The following IGF2BP3 variants were observed in gnomAD, a reference collection of about 807,000 sequenced individuals.
IGF2BP3 encodes the protein insulin-like growth factor 2 mRNA-binding protein 3.
A neutral mutation model predicts 73.8 loss-of-function variants in IGF2BP3; 9 were observed. The ratio of observed to expected loss-of-function variants is 0.12; its 90% confidence interval spans 0.07 to 0.21. The LOEUF (loss-of-function observed/expected upper bound fraction) is 0.21, where lower values mean the gene tolerates loss of function less well. Ranked by LOEUF, IGF2BP3 falls within the 10% of genes least tolerant of loss-of-function variation. The probability of loss-of-function intolerance (pLI) is 1.00; values close to 1 mark genes in which losing one functional copy is unlikely to be tolerated. For synonymous variants in IGF2BP3, 258 were observed against 256.7 expected (o/e 1.01, Z -0.05); for missense variants, 542 against 714.0 (o/e 0.76, Z 2.75).
intron 2 of IGF2BP3, among the ~76,000 whole-genome samples, chr7:23,445,907 A>C (rs138156747): frequency 6.6e-6 from 1 of 152,344 alleles, no homozygotes; most frequent in African/African-American, 2.4e-5. Flanking sequence ...GAAAAGTATT[A>C]GATTTATTAC....
At chr7:23,348,917 A>T (rs1269123139) in intron 6 of IGF2BP3, among the ~76,000 whole-genome samples, 1 of 152,228 alleles carries the variant, frequency 6.6e-6, no homozygotes, top group Non-Finnish European at 1.5e-5. Context: ...GTAAAATTAC[A>T]AGTACCAACA....
intron 10 of IGF2BP3, among the ~76,000 whole-genome samples, chr7:23,333,259 CTA>C (rs1784487124): frequency 6.6e-6 from 1 of 152,162 alleles, no homozygotes; most frequent in Non-Finnish European, 1.5e-5. Context: ...TTTCCCATGA[CTA>C]TGAGAGAAAA....
chr7:23,461,198 A>G (rs1451393148), intron 2 of IGF2BP3, among the ~76,000 whole-genome samples: 5 of 152,078 alleles, frequency 3.3e-5, no homozygotes, highest in Non-Finnish European at 5.9e-5. Flanking sequence ...TCTCCCAGAA[A>G]CAGTTTGCCC....
intron 5 of IGF2BP3, among the ~76,000 whole-genome samples, chr7:23,360,038 G>A (rs1785186982): frequency 6.6e-6 from 1 of 151,284 alleles, no homozygotes; most frequent in Non-Finnish European, 1.5e-5. Flanking sequence ...TCACTTATGG[G>A]AGAAGTGAAA....
Position 23,470,273 on chromosome 7 carries a change from A to C in IGF2BP3, c.-163T>G, listed in dbSNP as rs917187777. The C allele has an allele frequency of 5.7e-6, 3 of 528,780 alleles. No individual in the cohort carries two copies. The African/African-American group carries it at 5.8e-5, about 10-fold the overall frequency. The allele number at this position is 528,780 out of a possible 1,614,324, so 32.8% of individuals were successfully genotyped here. The stretch of plus-strand genomic sequence containing the variant: ...GCACAAGAACGAGGAGTGAAAAATC[A>C]GATCCGAGGCTTGTTTTTTCCTTGT... On this transcript the variant is annotated 5_prime_UTR_variant, in exon 1 of 15. Coordinates refer to ENST00000258729, the MANE Select transcript of IGF2BP3 (RefSeq NM_006547.3).
intron 9 of IGF2BP3, among the ~76,000 whole-genome samples, chr7:23,342,910 G>A (rs1381542757): frequency 6.6e-6 from 1 of 152,200 alleles, no homozygotes; most frequent in African/African-American, 2.4e-5. Context: ...AAGAAGTCAC[G>A]TGGGGTGTAA....
chr7:23,470,105 G>A lies in IGF2BP3; in HGVS notation c.6C>T (p.Asn2=), dbSNP rs771627169. M[N]KLYIGNLSEN... ...CGCTGAGGTTTCCGATATACAGTTTGTTCATTGTGAAGAGTGGTTGTTTAA... is the reference window on the plus strand; with the variant it reads ...CGCTGAGGTTTCCGATATACAGTTTATTCATTGTGAAGAGTGGTTGTTTAA... Residue 2 remains asparagine, a synonymous_variant, in exon 1 of 15, where the codon AAC becomes AAT. Coordinates refer to ENST00000258729, the MANE Select transcript of IGF2BP3 (RefSeq NM_006547.3). The A allele has an allele frequency of 1.2e-6, 2 of 1,602,546 alleles. No homozygotes were observed. The highest frequency in any genetic ancestry group is 1.7e-6 in the Non-Finnish European group (2 of 1,176,546).
chr7:23,437,146 T>A lies in IGF2BP3; in HGVS notation c.237-18322A>T, dbSNP rs1787825554. On this transcript the variant is annotated intron_variant, in intron 2 of 14. Coordinates refer to ENST00000258729, the MANE Select transcript of IGF2BP3 (RefSeq NM_006547.3). ...AAAAAACAAAACAAAAAAGCAAATA[T>A]AGGATACTTTTTAAACTTTGTTCTA... is the stretch of plus-strand genomic sequence containing the variant. 2.0e-5 allele frequency among the ~76,000 whole-genome samples: 3 copies of A among 151,388 alleles called. No homozygotes were observed. The South Asian group carries it at 6.3e-4, about 32-fold the overall frequency.
chr7:23,444,210 A>G (rs1788003288), intron 2 of IGF2BP3, among the ~76,000 whole-genome samples: 2 of 152,176 alleles, frequency 1.3e-5, no homozygotes, highest in Non-Finnish European at 2.9e-5. Context: ...TAATTGGGGT[A>G]AACCACATGC....
intron 3 of IGF2BP3, among the ~76,000 whole-genome samples, chr7:23,393,532 C>T (rs1786351667): frequency 6.6e-6 from 1 of 152,040 alleles, no homozygotes; most frequent in Non-Finnish European, 1.5e-5. Flanking sequence ...AAACCGTGCC[C>T]CCAAAGGGAA....
At chr7:23,468,331 C>T in intron 2 of IGF2BP3, 151 bp downstream of exon 2, 1 of 785,542 alleles carries the variant, frequency 1.3e-6, no homozygotes, top group Non-Finnish European at 2.2e-6. Context: ...ACACACACCC[C>T]CGCCATAAAC....
intron 10 of IGF2BP3, among the ~76,000 whole-genome samples, chr7:23,323,676 C>T (rs1043200921): frequency 6.6e-6 from 1 of 151,996 alleles, no homozygotes; most frequent in Non-Finnish European, 1.5e-5. Flanking sequence ...GGAAGTAAAG[C>T]TCTCCTCAGC....
intron 3 of IGF2BP3, among the ~76,000 whole-genome samples, chr7:23,398,848 A>T (rs1315360049): frequency 6.6e-6 from 1 of 152,034 alleles, no homozygotes; most frequent in Non-Finnish European, 1.5e-5. Flanking sequence ...ATTTTCTCCC[A>T]TTTTGTAGGT....
At chr7:23,422,544 G>A (rs1787381174) in intron 2 of IGF2BP3, among the ~76,000 whole-genome samples, 1 of 152,154 alleles carries the variant, frequency 6.6e-6, no homozygotes, top group Admixed American at 6.5e-5. Context: ...AAGGGATTGC[G>A]ACCCTGTCTC....
intron 2 of IGF2BP3, among the ~76,000 whole-genome samples, chr7:23,431,641 A>G (rs1278377361): frequency 1.4e-5 from 2 of 146,280 alleles, no homozygotes; most frequent in South Asian, 4.2e-4. Flanking sequence ...GGAAGGGGGA[A>G]AAAAAAAAGA....
At chr7:23,321,365 G>C (rs565365403) in intron 10 of IGF2BP3, among the ~76,000 whole-genome samples, 2 of 152,186 alleles carry the variant, frequency 1.3e-5, no homozygotes, top group African/African-American at 2.4e-5. Flanking sequence ...CTTTTCCGAC[G>C]GGCTTAAAAA....
chr7:23,408,930 G>A (rs548790580), intron 3 of IGF2BP3, among the ~76,000 whole-genome samples: 2 of 152,032 alleles, frequency 1.3e-5, no homozygotes, highest in Non-Finnish European at 2.9e-5. Context: ...TCGCACCAGG[G>A]ACTGGTTTCA....
chr7:23,437,962 A>G (rs749418917), intron 2 of IGF2BP3, among the ~76,000 whole-genome samples: 5 of 152,188 alleles, frequency 3.3e-5, no homozygotes, highest in Non-Finnish European at 5.9e-5. Flanking sequence ...CATACCTCCC[A>G]ATGTCCATGC....
chr7:23,469,417 CG>C lies in IGF2BP3; in HGVS notation c.175+518del. ...CCTCCCACAGGGTGGGGAGGAAGCG[CG>C]GGGCCGCCTGTGCGAGGCACCAGCC... On this transcript the variant is annotated intron_variant, in intron 1 of 14. Transcript: ENST00000258729. The surrounding 1 kb of genome is among the most constrained non-coding windows in gnomAD (Gnocchi z 6.1). 1 of 152,452 alleles carries C rather than the reference CG, an allele frequency of 6.6e-6. No individual in the cohort carries two copies. Among genetic ancestry groups the C allele is most frequent in the Non-Finnish European group, 1.5e-5 (1 of 68,162 alleles). 9.4% of individuals were successfully genotyped at this position (152,452 alleles called of 1,614,324 possible).
Sources: gnomAD v4.1 joint callset for allele counts (sites outside exome capture counted in the v4.1 genomes callset) on GRCh38, gnomAD v4.1.1 for gene constraint, Gnocchi (gnomAD v3.1) non-coding constraint, MANE v1.5 for transcripts, NCBI Gene and HGNC (gene_info 2026-07-23, HGNC 2026-07-21) for gene names.